The following FAM135B variants were observed in gnomAD, a reference collection of about 807,000 sequenced individuals.
The protein encoded by FAM135B is family with sequence similarity 135 member B.
FAM135B carries 43 observed loss-of-function variants against 127.7 expected under a neutral mutation model. The ratio of observed to expected loss-of-function variants is 0.34; its 90% CI spans 0.26 to 0.43. The LOEUF (loss-of-function observed/expected upper bound fraction) is 0.43, where lower values mean the gene tolerates loss of function less well. Ranked by LOEUF, FAM135B falls within the 20% of genes least tolerant of loss-of-function variation. FAM135B has a pLI of 1.00. For synonymous variants in FAM135B, 670 were observed against 665.1 expected (o/e 1.01, Z -0.11); for missense variants, 1,558 against 1,725.6 (o/e 0.90, Z 1.72).
chr8:138,491,941 G>T (rs1051974609), intron 1 of FAM135B, among the ~76,000 whole-genome samples: 1 of 152,178 alleles, frequency 6.6e-6, no homozygotes, highest in Non-Finnish European at 1.5e-5. Context: ...CTGTGGAGGA[G>T]ACCAGGTCAC....
At chr8:138,185,721 G>A (rs1339099409) in intron 9 of FAM135B, among the ~76,000 whole-genome samples, 1 of 152,158 alleles carries the variant, frequency 6.6e-6, no homozygotes, top group Non-Finnish European at 1.5e-5. Context: ...GAATTCTCTT[G>A]TGTTATAGAA....
intron 9 of FAM135B, among the ~76,000 whole-genome samples, chr8:138,181,260 A>C (rs1242381254): frequency 1.3e-5 from 2 of 152,118 alleles, no homozygotes; most frequent in African/African-American, 4.8e-5. Context: ...AGAAGAAAAG[A>C]AAAGTAAAAG....
chr8:138,282,800 T>G (rs1308194211), intron 3 of FAM135B, among the ~76,000 whole-genome samples: 1 of 152,192 alleles, frequency 6.6e-6, no homozygotes, highest in Non-Finnish European at 1.5e-5. Flanking sequence ...TGCAACATCT[T>G]ACCATGTGAT....
At chr8:138,332,544 A>C (rs1828261647) in intron 2 of FAM135B, among the ~76,000 whole-genome samples, 2 of 152,074 alleles carry the variant, frequency 1.3e-5, no homozygotes, top group African/African-American at 4.8e-5. Flanking sequence ...ACCTGGTTGC[A>C]AAGATCACAC....
intron 1 of FAM135B, among the ~76,000 whole-genome samples, chr8:138,464,454 G>A (rs1837290409): frequency 6.6e-6 from 1 of 152,092 alleles, no homozygotes; most frequent in Non-Finnish European, 1.5e-5. Context: ...CCACCCCTTA[G>A]AACAGAGGTT....
chr8:138,179,779 G>A (rs555477085), intron 9 of FAM135B, among the ~76,000 whole-genome samples: 61 of 152,142 alleles, frequency 4.0e-4, no homozygotes, highest in African/African-American at 1.4e-3. Context: ...CTGCAGCCTC[G>A]AATTCCTGGG....
At chr8:138,143,370 C>T (rs1339968753) in intron 15 of FAM135B, among the ~76,000 whole-genome samples, 1 of 152,186 alleles carries the variant, frequency 6.6e-6, no homozygotes, top group Non-Finnish European at 1.5e-5. Context: ...GTGCCGACTG[C>T]CACACCACGT....
chr8:138,477,757 G>C (rs1157188179), intron 1 of FAM135B, among the ~76,000 whole-genome samples: 2 of 152,198 alleles, frequency 1.3e-5, no homozygotes, highest in Non-Finnish European at 2.9e-5. Flanking sequence ...AGATGTTAGT[G>C]AAAGTCTAGT....
At chr8:138,287,238 GC>G (rs1824758808) in intron 3 of FAM135B, among the ~76,000 whole-genome samples, 1 of 152,044 alleles carries the variant, frequency 6.6e-6, no homozygotes, top group African/African-American at 2.4e-5. Flanking sequence ...AGAAAAAGAA[GC>G]AAAAGTTGTA....
chr8:138,160,820 T>A (rs1441168582), intron 12 of FAM135B, among the ~76,000 whole-genome samples: 2 of 102,256 alleles, frequency 2.0e-5, no homozygotes, highest in East Asian at 3.3e-4. Context: ...AAACCTGTCA[T>A]CCATTAAGTT....
chr8:138,165,484 T>C (rs1253885020), intron 12 of FAM135B, among the ~76,000 whole-genome samples: 1 of 152,118 alleles, frequency 6.6e-6, no homozygotes, highest in Non-Finnish European at 1.5e-5. Flanking sequence ...GTTGAGGGAC[T>C]GAGATTCATA....
chr8:138,485,661 G>A (rs1296559857), intron 1 of FAM135B, among the ~76,000 whole-genome samples: 1 of 152,138 alleles, frequency 6.6e-6, no homozygotes, highest in African/African-American at 2.4e-5. Flanking sequence ...GAGAAACTGA[G>A]GTTACAATCA....
intron 3 of FAM135B, among the ~76,000 whole-genome samples, chr8:138,284,793 C>T (rs1044533871): frequency 9.2e-5 from 14 of 152,074 alleles, no homozygotes; most frequent in Non-Finnish European, 1.8e-4. Context: ...CAACTGGATA[C>T]AAGCTAGTGG....
chr8:138,209,534 C>G (rs1471032840), intron 7 of FAM135B, among the ~76,000 whole-genome samples: 1 of 152,068 alleles, frequency 6.6e-6, no homozygotes, highest in Admixed American at 6.5e-5. Context: ...AGGAGAGAAG[C>G]AGGAGATGAA....
At position 138,205,780 on chromosome 8, in the gene FAM135B, T is replaced by C. The variant is rs979507126; in HGVS notation, c.670-8111A>G. 5.3e-5 allele frequency among the ~76,000 whole-genome samples: 8 copies of C among 151,884 alleles called. No homozygotes were observed. In the East Asian group the frequency reaches 1.4e-3, roughly 26 times the overall value. On this transcript the variant is annotated intron_variant, in intron 7 of 19. Transcript: ENST00000395297. ...CAAAGGTACCAATGTTGTCTCCTCA[T>C]TGACATTCCACAGAGTGTATCTGAG...
chr8:138,238,578 C>G (rs528960686), intron 7 of FAM135B, among the ~76,000 whole-genome samples: 62 of 152,306 alleles, frequency 4.1e-4, no homozygotes, highest in African/African-American at 1.4e-3. Flanking sequence ...TGATTTTTTA[C>G]GCCAATCAGC....
intron 7 of FAM135B, among the ~76,000 whole-genome samples, chr8:138,228,296 C>A (rs989050447): frequency 1.3e-5 from 2 of 151,964 alleles, no homozygotes; most frequent in African/African-American, 4.8e-5. Context: ...TGGGCTGAAT[C>A]GGAATCTTTA....
At position 138,241,572 on chromosome 8, in the gene FAM135B, G is replaced by T. The variant is rs907446346; in HGVS notation, c.669+1370C>A. ...AGAGCTAGCAAAGATAACATCACAG[G>T]AGAGCCAGCTGAGTGCATTACCTAA... On this transcript the variant is annotated intron_variant, in intron 7 of 19. Coordinates refer to ENST00000395297, the MANE Select transcript of FAM135B (RefSeq NM_015912.4). This position sits in a 1 kb window ranked among gnomAD's most constrained non-coding sequence, Gnocchi z 4.8. Among the ~76,000 whole-genome samples the T allele has an allele frequency of 6.6e-5, 10 of 152,180 alleles. No individual in the cohort carries two copies. Among genetic ancestry groups the T allele is most frequent in the African/African-American group, 2.2e-4 (9 of 41,448 alleles).
At chr8:138,174,716 A>G (rs1814269857) in intron 11 of FAM135B, among the ~76,000 whole-genome samples, 1 of 152,114 alleles carries the variant, frequency 6.6e-6, no homozygotes, top group Non-Finnish European at 1.5e-5. Flanking sequence ...AGGGATCTGG[A>G]GAGCTCCGTC....
Sources: allele counts gnomAD v4.1 joint callset (sites outside exome capture counted in the v4.1 genomes callset), GRCh38; gene constraint gnomAD v4.1.1; non-coding constraint Gnocchi (gnomAD v3.1); transcripts MANE v1.5; gene names NCBI Gene and HGNC (gene_info 2026-07-23, HGNC 2026-07-21).